The following KCND2 variants were observed in gnomAD, a reference collection of about 807,000 sequenced individuals.
KCND2 encodes the protein A-type voltage-gated potassium channel KCND2.
In KCND2, 16 loss-of-function variants were observed where a neutral mutation model predicts 54.4. That is an observed-to-expected ratio of 0.29 (90% CI 0.20 to 0.45). KCND2 has a LOEUF of 0.45. KCND2 is among the 20% of genes least tolerant of loss of function. The probability of loss-of-function intolerance (pLI) is 1.00; values close to 1 mark genes in which losing one functional copy is unlikely to be tolerated. For synonymous variants in KCND2, 317 were observed against 310.7 expected (o/e 1.02, Z -0.21); for missense variants, 486 against 824.2 (o/e 0.59, Z 5.02).
intron 1 of KCND2, among the ~76,000 whole-genome samples, chr7:120,433,676 A>G (rs1023447565): frequency 6.6e-6 from 1 of 152,248 alleles, no homozygotes; most frequent in African/African-American, 2.4e-5. Flanking sequence ...TATCAAAAGA[A>G]AAACCTAATA....
intron 1 of KCND2, among the ~76,000 whole-genome samples, chr7:120,713,449 T>C (rs1792565609): frequency 6.6e-6 from 1 of 152,216 alleles, no homozygotes; most frequent in Non-Finnish European, 1.5e-5. Context: ...ACAGGTCTTC[T>C]GATTTCATGT....
chr7:120,745,981 A>C lies in KCND2; in HGVS notation c.1669A>C (p.Ser557Arg). ...GSHQGSIQEL[S>R]TIQIRCVERT... ...CCATCAAGGTAGTATACAAGAACTC[A>C]GCACGATTCAGATCAGATGTGTGGA... Residue 557 changes from serine (S) to arginine (R), a missense_variant, in exon 5 of 6, where the codon AGC (serine) becomes CGC (arginine). Transcript: ENST00000331113. 2.5e-6 allele frequency: 4 copies of C among 1,613,816 alleles called. No individual in the cohort carries two copies. The highest frequency in any genetic ancestry group is 1.1e-5 in the South Asian group (1 of 91,082).
At chr7:120,367,436 T>C (rs1441855906) in intron 1 of KCND2, among the ~76,000 whole-genome samples, 2 of 152,070 alleles carry the variant, frequency 1.3e-5, no homozygotes, top group Non-Finnish European at 1.5e-5. Flanking sequence ...GAGAACAGTA[T>C]TCCTTTTCCC....
chr7:120,414,823 G>C (rs1337127751), intron 1 of KCND2, among the ~76,000 whole-genome samples: 2 of 152,046 alleles, frequency 1.3e-5, no homozygotes, highest in African/African-American at 4.8e-5. Context: ...CATGTCATCT[G>C]GTGCTTTCAT....
At chr7:120,454,904 G>A (rs1021243334) in intron 1 of KCND2, among the ~76,000 whole-genome samples, 8 of 152,124 alleles carry the variant, frequency 5.3e-5, no homozygotes, top group African/African-American at 1.7e-4. Context: ...CAAACTGAAA[G>A]CCAAATCAAG....
At chr7:120,608,568 TG>T (rs1328178168) in intron 1 of KCND2, among the ~76,000 whole-genome samples, 1 of 152,178 alleles carries the variant, frequency 6.6e-6, no homozygotes, top group African/African-American at 2.4e-5. Context: ...AGAACAATGC[TG>T]AGCTTCAGTA....
At chr7:120,473,471 C>T (rs1316826136) in intron 1 of KCND2, among the ~76,000 whole-genome samples, 2 of 152,118 alleles carry the variant, frequency 1.3e-5, no homozygotes, top group Non-Finnish European at 2.9e-5. Context: ...TCATTCAGAA[C>T]ACTGCTCAAA....
At chr7:120,699,151 G>A (rs774121371) in intron 1 of KCND2, among the ~76,000 whole-genome samples, 5 of 151,880 alleles carry the variant, frequency 3.3e-5, no homozygotes, top group Non-Finnish European at 5.9e-5. Flanking sequence ...GTGTGGTGGC[G>A]GGTACCTGTC....
intron 1 of KCND2, among the ~76,000 whole-genome samples, chr7:120,561,987 G>T (rs1792240983): frequency 6.6e-6 from 1 of 152,124 alleles, no homozygotes; most frequent in African/African-American, 2.4e-5. Context: ...AATAAATTGG[G>T]TATGAAGGAG....
intron 1 of KCND2, among the ~76,000 whole-genome samples, chr7:120,488,608 A>T (rs1231615870): frequency 6.6e-6 from 1 of 152,160 alleles, no homozygotes; most frequent in Non-Finnish European, 1.5e-5. Context: ...CCAAAACATT[A>T]ACACTATACA....
At chr7:120,495,699 A>G (rs955017691) in intron 1 of KCND2, among the ~76,000 whole-genome samples, 2 of 152,210 alleles carry the variant, frequency 1.3e-5, no homozygotes, top group Non-Finnish European at 2.9e-5. Flanking sequence ...GCTAAAGTCC[A>G]AATTGAGAGG....
At chr7:120,588,374 C>T (rs571876225) in intron 1 of KCND2, among the ~76,000 whole-genome samples, 10 of 148,370 alleles carry the variant, frequency 6.7e-5, no homozygotes, top group African/African-American at 2.2e-4. Flanking sequence ...TTATTGCAGC[C>T]AGGAATAATA....
At chr7:120,449,057 C>T (rs1007658911) in intron 1 of KCND2, among the ~76,000 whole-genome samples, 3 of 152,084 alleles carry the variant, frequency 2.0e-5, no homozygotes, top group South Asian at 2.1e-4. Context: ...CAGCCAGGCG[C>T]GGTGGCTCAT....
chr7:120,645,338 A>G (rs1354835122), intron 1 of KCND2, among the ~76,000 whole-genome samples: 2 of 152,088 alleles, frequency 1.3e-5, no homozygotes, highest in African/African-American at 2.4e-5. Flanking sequence ...TCTGTGGCCC[A>G]TGACTAGTGG....
In KCND2 at chr7:120,301,497, G is replaced by GT. The variant is rs906656779; in HGVS notation, c.1115+25759dup. 9.3e-5 allele frequency among the ~76,000 whole-genome samples: 14 copies of GT among 150,206 alleles called. No homozygotes were observed. The East Asian group carries it at 9.8e-4, about 11-fold the overall frequency. On this transcript the variant is annotated intron_variant, in intron 1 of 5. Coordinates refer to ENST00000331113, the MANE Select transcript of KCND2 (RefSeq NM_012281.3). ...TTAACAGGCCTTAAAGGTTTGCAGG[G>GT]TTTTTTTTTCAGTCTTAATAAAATG... is the stretch of plus-strand genomic sequence containing the variant.
At chr7:120,656,321 T>G (rs1315113263) in intron 1 of KCND2, among the ~76,000 whole-genome samples, 3 of 152,188 alleles carry the variant, frequency 2.0e-5, no homozygotes, top group African/African-American at 7.2e-5. Context: ...AAGGCAAATG[T>G]GTGTTTGTGC....
At chr7:120,495,389 C>T (rs1339655062) in intron 1 of KCND2, among the ~76,000 whole-genome samples, 1 of 151,798 alleles carries the variant, frequency 6.6e-6, no homozygotes, top group Non-Finnish European at 1.5e-5. Context: ...TTTGATGAGA[C>T]TTACTTTATC....
chr7:120,300,406 G>T (rs1799569404), intron 1 of KCND2, among the ~76,000 whole-genome samples: 1 of 152,052 alleles, frequency 6.6e-6, no homozygotes, highest in Non-Finnish European at 1.5e-5. Flanking sequence ...CTCTGGATTT[G>T]CATTCTGATT....
chr7:120,746,562 A>G (rs557065154), intron 5 of KCND2, among the ~76,000 whole-genome samples: 13 of 152,264 alleles, frequency 8.5e-5, no homozygotes, highest in African/African-American at 2.9e-4. Flanking sequence ...TCAACATAAT[A>G]CAAAAAATAA....
Sources: gnomAD v4.1 joint callset for allele counts (sites outside exome capture counted in the v4.1 genomes callset) on GRCh38, gnomAD v4.1.1 for gene constraint, MANE v1.5 for transcripts, NCBI Gene and HGNC (gene_info 2026-07-23, HGNC 2026-07-21) for gene names.